The following SERPINB7 variants were observed in gnomAD, a reference collection of about 807,000 sequenced individuals.
SERPINB7 encodes serpin family B member 7, also known as serpin B7.
In SERPINB7, 31 loss-of-function variants were observed where a neutral mutation model predicts 37.4. The ratio of observed to expected loss-of-function variants is 0.83; its 90% CI spans 0.62 to 1.12. The LOEUF (loss-of-function observed/expected upper bound fraction) is 1.12. Among genes scored for constraint, SERPINB7 ranks in the 50% most tolerant of loss-of-function variants. The probability of loss-of-function intolerance (pLI) is 0.00; values close to 1 mark genes in which losing one functional copy is unlikely to be tolerated. For missense variants in SERPINB7, 521 were observed against 455.3 expected (o/e 1.14, Z -1.31); for synonymous variants, 163 against 166.1 (o/e 0.98, Z 0.14).
chr18:63,796,217 C>T (rs8091304), intron 4 of SERPINB7, 49 bp from the exon 5 acceptor site: 30,539 of 1,049,930 alleles, frequency 0.029, 611 homozygotes, highest in African/African-American at 0.071. Context: ...TTCTTATATA[C>T]TTAGTTGGTG....
intron 1 of SERPINB7, among the ~76,000 whole-genome samples, chr18:63,780,145 A>C (rs557516163): frequency 6.6e-6 from 1 of 152,318 alleles, no homozygotes; most frequent in Admixed American, 6.5e-5. Context: ...TGAAAGGATT[A>C]ATATGACTTT....
chr18:63,774,513 G>C (rs935022913), upstream of SERPINB7, among the ~76,000 whole-genome samples: 1 of 152,070 alleles, frequency 6.6e-6, no homozygotes, highest in Non-Finnish European at 1.5e-5. Context: ...AAACTGAAAT[G>C]TGTTTTTGCC....
intron 1 of SERPINB7, among the ~76,000 whole-genome samples, chr18:63,761,183 T>C (rs954564106): frequency 1.3e-5 from 2 of 152,234 alleles, no homozygotes; most frequent in Non-Finnish European, 2.9e-5. Context: ...TGCATCAGCA[T>C]GACCTGGATG....
At chr18:63,762,462 T>A (rs1432176467) in intron 1 of SERPINB7, among the ~76,000 whole-genome samples, 1 of 152,150 alleles carries the variant, frequency 6.6e-6, no homozygotes, top group Non-Finnish European at 1.5e-5. Flanking sequence ...TTACGTGCAT[T>A]GGTATGCATA....
chr18:63,761,024 C>T (rs1180565328), intron 1 of SERPINB7, among the ~76,000 whole-genome samples: 5 of 152,186 alleles, frequency 3.3e-5, no homozygotes. Flanking sequence ...CTTCAGACCC[C>T]AGAATGGGAA....
At chr18:63,783,191 AGAGAGAGAGAGAGAGAGAGAGAGAG>A (rs2049321449) in intron 2 of SERPINB7, among the ~76,000 whole-genome samples, 2 of 61,868 alleles carry the variant, frequency 3.2e-5, no homozygotes, top group African/African-American at 1.4e-4. Context: ...AAAGAAAGAG[AGAGAGAGAGAGAGAGAGAGAGAGAG>A]AGAGAGAGAG....
At chr18:63,776,765 T>C (rs2049252359) in intron 1 of SERPINB7, among the ~76,000 whole-genome samples, 1 of 151,824 alleles carries the variant, frequency 6.6e-6, no homozygotes, top group South Asian at 2.1e-4. Flanking sequence ...AGTTGATCTA[T>C]AAAGTGTACT....
rs144407120 is a variant in SERPINB7, at chr18:63,790,871, A to G, written c.169-1522A>G. Among the ~76,000 whole-genome samples, 353 of 152,338 alleles carry G rather than the reference A, an allele frequency of 2.3e-3. 1 individual carries two copies. Among genetic ancestry groups the G allele is most frequent in the African/African-American group, 8.0e-3 (331 of 41,588 alleles). On this transcript the variant is annotated intron_variant, in intron 2 of 7. Transcript: ENST00000398019. ...TTATTGCAGCACTATTCACAATAGC[A>G]AAGACTTGGAACCAACCCAAATGCC...
At chr18:63,783,869 G>A (rs1431872310) in intron 2 of SERPINB7, among the ~76,000 whole-genome samples, 1 of 152,212 alleles carries the variant, frequency 6.6e-6, no homozygotes, top group East Asian at 1.9e-4. Context: ...AGGTCATATG[G>A]AAAACCATTT....
At chr18:63,783,011 G>A (rs1220429019) in intron 2 of SERPINB7, among the ~76,000 whole-genome samples, 1 of 151,470 alleles carries the variant, frequency 6.6e-6, no homozygotes. Flanking sequence ...GGTGGCGGGC[G>A]CCTGTAGTCC....
intron 7 of SERPINB7, among the ~76,000 whole-genome samples, chr18:63,803,244 GA>G (rs939797793): frequency 2.5e-4 from 37 of 147,330 alleles, no homozygotes; most frequent in East Asian, 7.9e-4. Context: ...TGCACTAAAT[GA>G]AAAAAAAAAT....
At chr18:63,773,479 A>G (rs1402789729), upstream of SERPINB7, among the ~76,000 whole-genome samples, 1 of 152,110 alleles carries the variant, frequency 6.6e-6, no homozygotes, top group Non-Finnish European at 1.5e-5. Flanking sequence ...TCGGTCACCA[A>G]AGAATTCTTA....
chr18:63,755,189 C>T (rs1290894529), intron 1 of SERPINB7, among the ~76,000 whole-genome samples: 3 of 152,038 alleles, frequency 2.0e-5, no homozygotes, highest in South Asian at 4.2e-4. Flanking sequence ...CAGGCGTGAG[C>T]CACCGCGCCC....
chr18:63,756,687 G>A (rs1369682951), intron 1 of SERPINB7, among the ~76,000 whole-genome samples: 7 of 152,058 alleles, frequency 4.6e-5, no homozygotes, highest in Admixed American at 3.9e-4. Context: ...TGAGATTAGA[G>A]GGCATTAATA....
intron 1 of SERPINB7, among the ~76,000 whole-genome samples, chr18:63,759,757 A>G (rs1197317027): frequency 6.6e-6 from 1 of 152,158 alleles, no homozygotes; most frequent in Non-Finnish European, 1.5e-5. Flanking sequence ...CATAGTGAGT[A>G]AGTCTCATGA....
chr18:63,798,590 T>G lies in SERPINB7; in HGVS notation c.455-14T>G, dbSNP rs762170883. The stretch of plus-strand genomic sequence containing the variant: ...TTAAAATAAACATTTTTCCCTCAAT[T>G]TTTTTTTCAAAAGGCAAAATCAAGA... On this transcript the variant is annotated splice_polypyrimidine_tract_variant and intron_variant, in intron 5 of 7. Transcript: ENST00000398019. 1 of 1,540,818 alleles carries G rather than the reference T, an allele frequency of 6.5e-7. No homozygotes were observed. The highest frequency in any genetic ancestry group is 2.2e-5 in the Admixed American group (1 of 45,584).
At chr18:63,763,235 C>T (rs2049163867) in intron 1 of SERPINB7, among the ~76,000 whole-genome samples, 1 of 152,122 alleles carries the variant, frequency 6.6e-6, no homozygotes, top group South Asian at 2.1e-4. Context: ...TATATCTCTA[C>T]CATGTTTTGT....
At chr18:63,790,234 C>T (rs1490591882) in intron 2 of SERPINB7, among the ~76,000 whole-genome samples, 1 of 151,878 alleles carries the variant, frequency 6.6e-6, no homozygotes, top group African/African-American at 2.4e-5. Flanking sequence ...TATAAAAATC[C>T]CCAAATTAAA....
intron 4 of SERPINB7, 90 bp downstream of exon 4, chr18:63,793,367 A>C (rs1234192118): frequency 1.6e-6 from 1 of 624,756 alleles, no homozygotes; most frequent in African/African-American, 1.9e-5. Context: ...GAGCAATACA[A>C]AGATGGTTTT....
Sources: allele counts gnomAD v4.1 joint callset (sites outside exome capture counted in the v4.1 genomes callset), GRCh38; gene constraint gnomAD v4.1.1; transcripts MANE v1.5; gene names NCBI Gene and HGNC (gene_info 2026-07-23, HGNC 2026-07-21).